Variants in TNKS2 observed in about 807,000 individuals in gnomAD.
TNKS2 encodes poly [ADP-ribose] polymerase tankyrase-2.
A neutral mutation model predicts 137.6 loss-of-function variants in TNKS2; 72 were observed. That is an observed-to-expected ratio of 0.52 (90% CI 0.43 to 0.64). The LOEUF is 0.64. Ranked by LOEUF, TNKS2 falls within the 30% of genes least tolerant of loss-of-function variation. TNKS2 has a pLI of 0.00. For synonymous variants in TNKS2, 516 were observed against 512.1 expected (o/e 1.01, Z -0.10); for missense variants, 1,049 against 1,410.2 (o/e 0.74, Z 4.10).
At chr10:91,858,183 T>A (rs1056351298) in intron 24 of TNKS2, among the ~76,000 whole-genome samples, 1 of 152,208 alleles carries the variant, frequency 6.6e-6, no homozygotes, top group African/African-American at 2.4e-5. Flanking sequence ...TGTCCTTGAT[T>A]GCAGAAAAAT....
chr10:91,845,820 C>T lies in TNKS2; in HGVS notation c.2238C>T (p.Phe746=), dbSNP rs962592617. The T allele has an allele frequency of 6.2e-7, 1 of 1,607,498 alleles. No homozygotes were observed. The highest frequency in any genetic ancestry group is 8.5e-7 in the Non-Finnish European group (1 of 1,175,132). The change falls in exon 18 of 27, where the codon TTC becomes TTT. Residue 746 remains phenylalanine, a synonymous_variant. Transcript: ENST00000371627. ...ACVNATDKWA[F]TPLHEAAQKG... is the part of the protein sequence containing the mutation. Reference sequence around the variant, plus strand: ...TCAATGCCACGGACAAATGGGCTTTCACACCTTTGCACGAAGCAGCCCAAA... The same window carrying T: ...TCAATGCCACGGACAAATGGGCTTTTACACCTTTGCACGAAGCAGCCCAAA...
intron 6 of TNKS2, among the ~76,000 whole-genome samples, chr10:91,821,323 C>G (rs903960478): frequency 7.2e-5 from 11 of 152,004 alleles, no homozygotes; most frequent in African/African-American, 2.7e-4. Flanking sequence ...TGAGCCACCA[C>G]GCCTGGCCTA....
chr10:91,848,666 C>G lies in TNKS2; in HGVS notation c.2611+31C>G, dbSNP rs113088534. On this transcript the variant is annotated intron_variant, in intron 19 of 26. Transcript: ENST00000371627. ...ACGTTCTACAAAAATAACTTTCTAACTGGTATTGTAGCCCCGTATTTGTCA... is the reference window on the plus strand; with the variant it reads ...ACGTTCTACAAAAATAACTTTCTAAGTGGTATTGTAGCCCCGTATTTGTCA... The G allele has an allele frequency of 3.7e-6, 6 of 1,609,748 alleles. No individual in the cohort carries two copies. In the African/African-American group the frequency reaches 5.3e-5, roughly 14 times the overall value.
At chr10:91,821,079 C>G (rs1033971302) in intron 6 of TNKS2, among the ~76,000 whole-genome samples, 4 of 151,878 alleles carry the variant, frequency 2.6e-5, no homozygotes, top group African/African-American at 9.7e-5. Flanking sequence ...GCTCTGTCGC[C>G]CAGGCTGGAG....
chr10:91,807,077 C>T lies in TNKS2; in HGVS notation c.200-5906C>T, dbSNP rs1346533270. 4.2e-6 allele frequency: 6 copies of T among 1,427,812 alleles called. No individual in the cohort carries two copies. The East Asian group carries it at 1.4e-4, about 33-fold the overall frequency. The allele number at this position is 1,427,812 out of a possible 1,614,324, so 88.4% of individuals were successfully genotyped here. ...AAAAAATGACCTCTAAGCTTCTGAACAGTCCACTTAGTTACATAAAGTACT... is the reference window on the plus strand; with the variant it reads ...AAAAAATGACCTCTAAGCTTCTGAATAGTCCACTTAGTTACATAAAGTACT... On this transcript the variant is annotated intron_variant, in intron 1 of 26. Coordinates refer to ENST00000371627, the MANE Select transcript of TNKS2 (RefSeq NM_025235.4).
intron 13 of TNKS2, among the ~76,000 whole-genome samples, chr10:91,838,183 TAGAG>T (rs753698461): frequency 6.6e-6 from 1 of 151,632 alleles, no homozygotes; most frequent in Non-Finnish European, 1.5e-5. Context: ...TTTATAAAGA[TAGAG>T]GGAGTCCAGA....
chr10:91,834,049 A>AT lies in TNKS2; in HGVS notation c.1447+32dup, dbSNP rs762826864. On this transcript the variant is annotated intron_variant, in intron 12 of 26. Transcript: ENST00000371627. Reference sequence around the variant, plus strand: ...GGTATTACATGCTTCAATGAAATTGATTTTTTTAAATTAACCTTTAAAAAT... The same window carrying AT: ...GGTATTACATGCTTCAATGAAATTGATTTTTTTTAAATTAACCTTTAAAAAT... 1.2e-5 allele frequency: 18 copies of AT among 1,491,200 alleles called. No homozygotes were observed. In the South Asian group the frequency reaches 1.7e-4, roughly 14 times the overall value. 92.4% of individuals were successfully genotyped at this position (1,491,200 alleles called of 1,614,324 possible). A position where few individuals can be genotyped will look rare whatever the true frequency, so the allele number is the denominator to read the frequency against.
intron 1 of TNKS2, among the ~76,000 whole-genome samples, chr10:91,809,781 C>T (rs1467538424): frequency 6.6e-6 from 1 of 151,826 alleles, no homozygotes; most frequent in African/African-American, 2.4e-5. Context: ...TTCATTTATT[C>T]ACGCAATTGC....
At chr10:91,801,951 GAA>G (rs1327663174) in intron 1 of TNKS2, among the ~76,000 whole-genome samples, 1 of 152,164 alleles carries the variant, frequency 6.6e-6, no homozygotes, top group Non-Finnish European at 1.5e-5. Flanking sequence ...AAAAAGTAAA[GAA>G]GAGGTGACAC....
chr10:91,859,496 C>A lies in TNKS2; in HGVS notation c.3129C>A (p.Gly1043=), dbSNP rs1430287818. 6.2e-7 allele frequency: 1 copy of A among 1,611,094 alleles called. No individual in the cohort carries two copies. Among genetic ancestry groups the A allele is most frequent in the Non-Finnish European group, 8.5e-7 (1 of 1,178,740 alleles). The change falls in exon 25 of 27, where the codon GGC becomes GGA. Residue 1043 remains glycine (G), a synonymous_variant. Transcript: ENST00000371627. ...TTGTGAATGCAATTATCCACAAAGG[C>A]TTTGATGAAAGGCATGCGTACATAG... ...SPFVNAIIHK[G]FDERHAYIGG...
Position 91,845,921 on chromosome 10 carries a change from C to T in TNKS2, c.2339C>T (p.Thr780Ile). The change falls in exon 18 of 27, where the codon ACA becomes ATA. Residue 780 changes from threonine to isoleucine, a missense_variant. Coordinates refer to ENST00000371627, the MANE Select transcript of TNKS2 (RefSeq NM_025235.4). The stretch of plus-strand genomic sequence containing the variant: ...ACTCTTAAAAATCAGGAAGGACAAA[C>T]ACCTTTAGATTTAGTTTCAGTAAGT... ...DPTLKNQEGQ[T>I]PLDLVSADDV... The T allele has an allele frequency of 6.4e-7, 1 of 1,571,568 alleles. No homozygotes were observed. The highest frequency in any genetic ancestry group is 8.7e-7 in the Non-Finnish European group (1 of 1,150,318).
Position 91,862,017 on chromosome 10 carries a change from G to A in TNKS2, c.3300G>A (p.Arg1100=). 2 of 1,608,538 alleles carry A rather than the reference G, an allele frequency of 1.2e-6. No homozygotes were observed. The highest frequency in any genetic ancestry group is 1.7e-6 in the Non-Finnish European group (2 of 1,177,430). Residue 1100 remains arginine (R), a synonymous_variant, in exon 26 of 27, where the codon CGG becomes CGA. Transcript: ENST00000371627. Reference sequence around the variant, plus strand: ...TTTATAGGCAGCTGCTCTTTTGCCGGGTAACCTTGGGAAAGTCTTTCCTGC... The same window carrying A: ...TTTATAGGCAGCTGCTCTTTTGCCGAGTAACCTTGGGAAAGTCTTTCCTGC... ...YICHRQLLFC[R]VTLGKSFLQF...
At chr10:91,819,617 G>A (rs1844821807) in intron 5 of TNKS2, 60 bp downstream of exon 5, 1 of 1,240,338 alleles carries the variant, frequency 8.1e-7, no homozygotes, top group African/African-American at 1.5e-5. Context: ...ATAAAGATGT[G>A]TTTATCTTAT....
At chr10:91,846,278 G>A (rs193218664) in intron 18 of TNKS2, among the ~76,000 whole-genome samples, 1 of 152,278 alleles carries the variant, frequency 6.6e-6, no homozygotes, top group East Asian at 1.9e-4. Context: ...AGCGCAGATG[G>A]TACAGACCAT....
intron 7 of TNKS2, among the ~76,000 whole-genome samples, chr10:91,823,819 T>C (rs1844984640): frequency 1.3e-5 from 2 of 152,194 alleles, no homozygotes; most frequent in Non-Finnish European, 2.9e-5. Flanking sequence ...CAGTGCCTCT[T>C]TGGTTCCTTT....
At chr10:91,842,412 A>G in intron 16 of TNKS2, 21 bp downstream of exon 16, 1 of 1,601,494 alleles carries the variant, frequency 6.2e-7, no homozygotes, top group Non-Finnish European at 8.5e-7. Context: ...GAAGTTTCAC[A>G]GATTTAGGCT....
intron 9 of TNKS2, among the ~76,000 whole-genome samples, chr10:91,828,651 T>G (rs2133629354): frequency 6.6e-6 from 1 of 152,366 alleles, no homozygotes; most frequent in African/African-American, 2.4e-5. Flanking sequence ...CTGACATGTA[T>G]TATATGTAAT....
At chr10:91,856,283 C>G (rs375494819) in intron 23 of TNKS2, among the ~76,000 whole-genome samples, 5 of 152,154 alleles carry the variant, frequency 3.3e-5, no homozygotes, top group African/African-American at 4.8e-5. Flanking sequence ...ATACTTGATG[C>G]ATAATGAATT....
intron 1 of TNKS2, among the ~76,000 whole-genome samples, chr10:91,804,513 A>G (rs1844265238): frequency 6.6e-6 from 1 of 152,196 alleles, no homozygotes; most frequent in Non-Finnish European, 1.5e-5. Flanking sequence ...CATGACTACC[A>G]ACTTTATTTA....
Sources: allele counts gnomAD v4.1 joint callset (sites outside exome capture counted in the v4.1 genomes callset), GRCh38; gene constraint gnomAD v4.1.1; transcripts MANE v1.5; gene names NCBI Gene and HGNC (gene_info 2026-07-23, HGNC 2026-07-21).